The following MEDAG variants were observed in gnomAD, a reference collection of about 807,000 sequenced individuals.
The protein encoded by MEDAG is mesenteric estrogen dependent adipogenesis.
MEDAG carries 25 observed loss-of-function variants against 29.9 expected under a neutral mutation model. The observed-to-expected ratio is 0.84, with a 90% CI of 0.61 to 1.17. MEDAG has a LOEUF of 1.17. Among genes scored for constraint, MEDAG ranks in the 50% most tolerant of loss-of-function variants. The pLI is 0.00. For synonymous variants in MEDAG, 158 were observed against 148.2 expected, an observed-to-expected ratio of 1.07 and a Z score of -0.48; for missense variants, 398 against 372.9, an observed-to-expected ratio of 1.07 and a Z score of -0.56.
chr13:30,906,514 G>C lies in MEDAG; in HGVS notation c.-2G>C. 1 of 1,516,036 alleles carries C rather than the reference G, an allele frequency of 6.6e-7. No individual in the cohort carries two copies. Among genetic ancestry groups the C allele is most frequent in the South Asian group, 1.3e-5 (1 of 79,120 alleles). 93.9% of individuals were successfully genotyped at this position (1,516,036 alleles called of 1,614,324 possible). A position where few individuals can be genotyped will look rare whatever the true frequency, so the allele number is the denominator to read the frequency against. On this transcript the variant is annotated 5_prime_UTR_variant, in exon 1 of 5. Coordinates refer to ENST00000380482, the MANE Select transcript of MEDAG (RefSeq NM_032849.4). Reference sequence around the variant, plus strand: ...GGCGGTGTGAGGACCGACGACGCGGGCATGGCGGGGGCGGCCTGCGAGCCG... The same window carrying C: ...GGCGGTGTGAGGACCGACGACGCGGCCATGGCGGGGGCGGCCTGCGAGCCG...
At chr13:30,909,356 C>T (rs1179407920) in intron 1 of MEDAG, among the ~76,000 whole-genome samples, 1 of 151,878 alleles carries the variant, frequency 6.6e-6, no homozygotes, top group Non-Finnish European at 1.5e-5. Flanking sequence ...GCCGGATTGC[C>T]CCAGCTTGTA....
Position 30,924,334 on chromosome 13 carries a change from T to C in MEDAG, c.811T>C (p.Cys271Arg), listed in dbSNP as rs756193550. The C allele has an allele frequency of 4.3e-6, 7 of 1,614,024 alleles. No individual in the cohort carries two copies. In the East Asian group the frequency reaches 8.9e-5, roughly 21 times the overall value. The change falls in exon 5 of 5, where the codon TGC becomes CGC. Residue 271 changes from cysteine to arginine, a missense_variant. Transcript: ENST00000380482. ...AGGTTCAATAGATGATGTTTTTAAC[T>C]GCAATCTGTCACCCAGATCATCTCT... ...SRGSIDDVFN[C>R]NLSPRSSLTE...
At chr13:30,918,503 C>T (rs7328971) in intron 2 of MEDAG, among the ~76,000 whole-genome samples, 46,620 of 152,044 alleles carry the variant, frequency 0.31, 7,530 homozygotes, top group African/African-American at 0.41. Context: ...CACATCTCTT[C>T]ATTGTTTCTT....
In MEDAG at chr13:30,921,003, C is replaced by T; in HGVS notation, c.389-11C>T. On this transcript the variant is annotated splice_polypyrimidine_tract_variant and intron_variant, in intron 2 of 4. Coordinates refer to ENST00000380482, the MANE Select transcript of MEDAG (RefSeq NM_032849.4). ...CACACTTGTTTCTGAATTCTGCTTG[C>T]TAATTTCTAGAAAGGACGTACGCGT... 6.2e-7 allele frequency: 1 copy of T among 1,608,804 alleles called. No individual in the cohort carries two copies. The highest frequency in any genetic ancestry group is 8.5e-7 in the Non-Finnish European group (1 of 1,176,186).
chr13:30,919,393 A>T (rs1444068737), intron 2 of MEDAG, among the ~76,000 whole-genome samples: 1 of 145,808 alleles, frequency 6.9e-6, no homozygotes, highest in Non-Finnish European at 1.5e-5. Context: ...TGTAAATGTG[A>T]ATGACAGCCT....
intron 1 of MEDAG, among the ~76,000 whole-genome samples, chr13:30,913,216 G>GTTGT (rs1240723690): frequency 1.3e-5 from 2 of 152,038 alleles, no homozygotes; most frequent in Non-Finnish European, 2.9e-5. Flanking sequence ...GTTGCTTTGG[G>GTTGT]TTGTTTGTTT....
At chr13:30,910,193 A>AAACACACACAC (rs1952868671) in intron 1 of MEDAG, among the ~76,000 whole-genome samples, 1 of 149,170 alleles carries the variant, frequency 6.7e-6, no homozygotes, top group South Asian at 2.2e-4. Flanking sequence ...CACACACACA[A>AAACACACACAC]ACACACACAC....
intron 2 of MEDAG, among the ~76,000 whole-genome samples, chr13:30,918,181 G>C (rs1237815374): frequency 6.6e-6 from 1 of 152,160 alleles, no homozygotes; most frequent in African/African-American, 2.4e-5. Flanking sequence ...AGAGTGATGA[G>C]GATGATATAT....
intron 2 of MEDAG, among the ~76,000 whole-genome samples, chr13:30,918,018 G>T (rs6563553): frequency 0.3 from 46,072 of 151,872 alleles, 7,373 homozygotes; most frequent in African/African-American, 0.41. Flanking sequence ...GAGCCTGGTG[G>T]GTGAGGCCAC....
chr13:30,917,569 G>A, intron 2 of MEDAG, 57 bp downstream of exon 2: 2 of 962,430 alleles, frequency 2.1e-6, no homozygotes, highest in East Asian at 2.4e-5. Context: ...CTAAAACTGG[G>A]TAATTTATAA....
rs568777570 is a variant in MEDAG, at chr13:30,906,318, G to A, written c.-198G>A. 2.6e-4 allele frequency: 116 copies of A among 450,930 alleles called. No homozygotes were observed. Among genetic ancestry groups the A allele is most frequent in the Admixed American group, 1.8e-3 (40 of 22,444 alleles). 27.9% of individuals were successfully genotyped at this position (450,930 alleles called of 1,614,324 possible). A position where few individuals can be genotyped will look rare whatever the true frequency, so the allele number is the denominator to read the frequency against. On this transcript the variant is annotated 5_prime_UTR_variant, in exon 1 of 5. Coordinates refer to ENST00000380482, the MANE Select transcript of MEDAG (RefSeq NM_032849.4). ...AGGGCTCCCAGCGAGTGGCAGCTTG[G>A]GAGGGGCCGCCCGGGCGGTCAGACT...
chr13:30,906,808 C>T lies in MEDAG; in HGVS notation c.278+15C>T. The T allele has an allele frequency of 6.9e-7, 1 of 1,459,850 alleles. No individual in the cohort carries two copies. Among genetic ancestry groups the T allele is most frequent in the Non-Finnish European group, 9.0e-7 (1 of 1,115,114 alleles). 90.4% of individuals were successfully genotyped at this position (1,459,850 alleles called of 1,614,324 possible). A position where few individuals can be genotyped will look rare whatever the true frequency, so the allele number is the denominator to read the frequency against. On this transcript the variant is annotated intron_variant, in intron 1 of 4. Transcript: ENST00000380482. The stretch of plus-strand genomic sequence containing the variant: ...TACATCAAGAGGTGGGTGGCCTCGC[C>T]GTGCGCCCTGGCCCGTCGCCTGGTA...
In MEDAG at chr13:30,906,797, G is replaced by A. The variant is rs1952835684; in HGVS notation, c.278+4G>A. The A allele has an allele frequency of 6.8e-7, 1 of 1,473,592 alleles. No individual in the cohort carries two copies. The highest frequency in any genetic ancestry group is 8.9e-7 in the Non-Finnish European group (1 of 1,122,470). 91.3% of individuals were successfully genotyped at this position (1,473,592 alleles called of 1,614,324 possible). ...GCCTCAGCAGCTACATCAAGAGGTG[G>A]GTGGCCTCGCCGTGCGCCCTGGCCC... On this transcript the variant is annotated splice_donor_region_variant and intron_variant, in intron 1 of 4. Transcript: ENST00000380482.
chr13:30,911,507 T>C (rs1952881989), intron 1 of MEDAG, among the ~76,000 whole-genome samples: 1 of 152,136 alleles, frequency 6.6e-6, no homozygotes, highest in African/African-American at 2.4e-5. Flanking sequence ...GCTGTGACTC[T>C]TCCTGGGGTG....
intron 1 of MEDAG, among the ~76,000 whole-genome samples, chr13:30,912,248 T>C (rs1952888646): frequency 6.6e-6 from 1 of 152,066 alleles, no homozygotes; most frequent in African/African-American, 2.4e-5. Context: ...TTTATTTCAG[T>C]AGAACTAGGG....
rs747405518 is a variant in MEDAG, at chr13:30,917,486, TA to T, written c.363del (p.Gln122ArgfsTer16). ...LSKPMLFFIN[V>X]QTKKDTSKER... ...AAACCAATGTTGTTCTTTATTAATG[TA>T]CAGACCAAAAAAGACACCTCAAAAG... On this transcript the variant is annotated frameshift_variant, in exon 2 of 5. Coordinates refer to ENST00000380482, the MANE Select transcript of MEDAG (RefSeq NM_032849.4). LOFTEE classifies it high-confidence loss of function. 1 of 1,605,118 alleles carries T rather than the reference TA, an allele frequency of 6.2e-7. No individual in the cohort carries two copies. The highest frequency in any genetic ancestry group is 1.7e-5 in the Admixed American group (1 of 59,882).
Position 30,906,481 on chromosome 13 carries a change from C to A in MEDAG, c.-35C>A, listed in dbSNP as rs2138111418. 6.9e-7 allele frequency: 1 copy of A among 1,447,502 alleles called. No homozygotes were observed. The highest frequency in any genetic ancestry group is 9.0e-7 in the Non-Finnish European group (1 of 1,106,076). The allele number at this position is 1,447,502 out of a possible 1,614,324, so 89.7% of individuals were successfully genotyped here. A position where few individuals can be genotyped will look rare whatever the true frequency, so the allele number is the denominator to read the frequency against. The stretch of plus-strand genomic sequence containing the variant: ...CCGGCTGGGGGCTGTAGGCACCGGA[C>A]GGAAGCAGGCGGTGTGAGGACCGAC... On this transcript the variant is annotated 5_prime_UTR_variant, in exon 1 of 5. Transcript: ENST00000380482.
intron 1 of MEDAG, among the ~76,000 whole-genome samples, chr13:30,911,725 T>C (rs1162792442): frequency 6.6e-6 from 1 of 152,194 alleles, no homozygotes; most frequent in Non-Finnish European, 1.5e-5. Flanking sequence ...CATTAGTATG[T>C]TTGAATGATT....
chr13:30,915,516 A>T (rs1307346868), intron 1 of MEDAG, among the ~76,000 whole-genome samples: 1 of 152,142 alleles, frequency 6.6e-6, no homozygotes, highest in African/African-American at 2.4e-5. Context: ...TGAATGAATG[A>T]ATGAGCCCAG....
Sources: allele counts gnomAD v4.1 joint callset (sites outside exome capture counted in the v4.1 genomes callset), GRCh38; gene constraint gnomAD v4.1.1; transcripts MANE v1.5; gene names NCBI Gene and HGNC (gene_info 2026-07-23, HGNC 2026-07-21).